Variants in ABCG1 observed in about 807,000 individuals in gnomAD.
ABCG1 encodes ATP-binding cassette sub-family G member 1.
ABCG1 carries 29 observed loss-of-function variants against 69.2 expected under a neutral mutation model. That is an observed-to-expected ratio of 0.42 (90% CI 0.31 to 0.57). The LOEUF is 0.57. ABCG1 is among the 20% of genes least tolerant of loss of function. The pLI is 0.15. For missense variants in ABCG1, 718 were observed against 898.1 expected (o/e 0.80, Z 2.56); for synonymous variants, 370 against 374.8 (o/e 0.99, Z 0.15).
At chr21:42,231,920 C>T (rs1032042101) in intron 2 of ABCG1, among the ~76,000 whole-genome samples, 1 of 152,214 alleles carries the variant, frequency 6.6e-6, no homozygotes, top group Non-Finnish European at 1.5e-5. Flanking sequence ...TGTCGTGGCC[C>T]CAGGCCACTT....
chr21:42,286,018 G>A (rs772161934), intron 8 of ABCG1, 24 bp downstream of exon 8: 12 of 1,530,684 alleles, frequency 7.8e-6, no homozygotes, highest in East Asian at 2.2e-5. Context: ...TGAGCAGCTC[G>A]GGGGACAGAA....
intron 2 of ABCG1, among the ~76,000 whole-genome samples, chr21:42,228,590 C>G (rs929285060): frequency 5.9e-5 from 9 of 152,318 alleles, no homozygotes; most frequent in African/African-American, 1.7e-4. Flanking sequence ...AGGGGCAGGG[C>G]TGGGATGAGG....
At chr21:42,212,032 T>A (rs1254434099), upstream of ABCG1, among the ~76,000 whole-genome samples, 1 of 152,232 alleles carries the variant, frequency 6.6e-6, no homozygotes, top group Non-Finnish European at 1.5e-5. Flanking sequence ...CCCTTTCCTT[T>A]CTACCACGGG....
At chr21:42,270,562 C>T (rs1257354260) in intron 2 of ABCG1, among the ~76,000 whole-genome samples, 1 of 151,886 alleles carries the variant, frequency 6.6e-6, no homozygotes, top group Non-Finnish European at 1.5e-5. Context: ...ATCATATATA[C>T]ATAATTTATA....
chr21:42,254,802 C>T (rs1002188109), intron 2 of ABCG1, among the ~76,000 whole-genome samples: 2 of 152,174 alleles, frequency 1.3e-5, no homozygotes, highest in African/African-American at 2.4e-5. Context: ...ACAGCCCGTT[C>T]TGAGCAGAAG....
chr21:42,269,278 A>C (rs934601008), intron 2 of ABCG1, among the ~76,000 whole-genome samples: 5 of 152,120 alleles, frequency 3.3e-5, no homozygotes, highest in African/African-American at 1.2e-4. Context: ...GGGTGCCCGA[A>C]GTGCCGCAGT....
At chr21:42,292,062 G>C (rs568593778) in intron 13 of ABCG1, among the ~76,000 whole-genome samples, 22 of 152,234 alleles carry the variant, frequency 1.4e-4, no homozygotes, top group Non-Finnish European at 2.6e-4. Flanking sequence ...CACTGCCTCT[G>C]TGGGGTTCCC....
At position 42,291,495 on chromosome 21, in the gene ABCG1, C is replaced by T. The variant is rs200100816; in HGVS notation, c.1495-3C>T. 9.1e-4 allele frequency: 1,465 copies of T among 1,605,164 alleles called. 3 individuals carry two copies. The highest frequency in any genetic ancestry group is 1.2e-3 in the Non-Finnish European group (1,392 of 1,173,048). ...CCCGCGGCTGACGGGTCCTTGTTTC[C>T]AGATCATGTTCCCAGTGGCCTACTG... On this transcript the variant is annotated splice_polypyrimidine_tract_variant and splice_region_variant and intron_variant, in intron 12 of 14. Transcript: ENST00000398449. The surrounding 1 kb of genome is among the most constrained non-coding windows in gnomAD (Gnocchi z 6.4).
intron 2 of ABCG1, among the ~76,000 whole-genome samples, chr21:42,269,821 G>A (rs886532839): frequency 2.6e-5 from 4 of 152,232 alleles, no homozygotes; most frequent in South Asian, 2.1e-4. Context: ...GTGCCCAGCT[G>A]GGGACCGGGA....
intron 5 of ABCG1, among the ~76,000 whole-genome samples, chr21:42,278,293 C>CA (rs1569233234): frequency 6.6e-6 from 1 of 152,098 alleles, no homozygotes; most frequent in African/African-American, 2.4e-5. Context: ...GACACCCCCC[C>CA]ACAACACACA....
chr21:42,249,590 G>A (rs1025678628), intron 2 of ABCG1, among the ~76,000 whole-genome samples: 4 of 152,278 alleles, frequency 2.6e-5, no homozygotes, highest in Non-Finnish European at 2.9e-5. Context: ...GCTTAGAATC[G>A]TGCCCTGCGG....
intron 2 of ABCG1, among the ~76,000 whole-genome samples, chr21:42,241,977 C>CGA (rs758561990): frequency 1.1e-5 from 1 of 94,256 alleles, no homozygotes; most frequent in Non-Finnish European, 2.2e-5. Flanking sequence ...GACCCTGTCT[C>CGA]AAAAAAAAAA....
chr21:42,290,451 G>T (rs1292066924), intron 11 of ABCG1, among the ~76,000 whole-genome samples: 1 of 152,222 alleles, frequency 6.6e-6, no homozygotes, highest in East Asian at 1.9e-4. Flanking sequence ...TTTTAAGCAT[G>T]ATGGAAGGCT....
intron 7 of ABCG1, 50 bp downstream of exon 7, chr21:42,284,733 A>C: frequency 6.3e-7 from 1 of 1,594,566 alleles, no homozygotes; most frequent in Non-Finnish European, 8.5e-7. Flanking sequence ...CACTCAGGTC[A>C]GCCTGAATGA....
upstream of ABCG1, among the ~76,000 whole-genome samples, chr21:42,211,773 C>A (rs985398441): frequency 6.6e-6 from 1 of 151,872 alleles, no homozygotes; most frequent in Admixed American, 6.6e-5. Flanking sequence ...CTGGTAATTC[C>A]AGCTACCTAG....
At chr21:42,244,388 G>A (rs1290179314) in intron 2 of ABCG1, among the ~76,000 whole-genome samples, 3 of 152,120 alleles carry the variant, frequency 2.0e-5, no homozygotes, top group Admixed American at 6.5e-5. Context: ...GAAGAAGGTC[G>A]GCCATTTCCA....
intron 2 of ABCG1, among the ~76,000 whole-genome samples, chr21:42,206,028 G>A (rs1379983852): frequency 1.3e-5 from 2 of 152,052 alleles, no homozygotes. Flanking sequence ...ATATCTTCCT[G>A]TTATTGATTT....
At chr21:42,212,950 C>T (rs2067604421), upstream of ABCG1, among the ~76,000 whole-genome samples, 1 of 152,160 alleles carries the variant, frequency 6.6e-6, no homozygotes, top group Non-Finnish European at 1.5e-5. Flanking sequence ...GCCTTGGCCT[C>T]CCAAAGTGCT....
At chr21:42,231,521 G>C (rs972856665) in intron 2 of ABCG1, among the ~76,000 whole-genome samples, 4 of 152,218 alleles carry the variant, frequency 2.6e-5, no homozygotes, top group African/African-American at 7.2e-5. Context: ...CAAATTCGGG[G>C]TTGCTTTCTC....
Sources: gnomAD v4.1 joint callset for allele counts (sites outside exome capture counted in the v4.1 genomes callset) on GRCh38, gnomAD v4.1.1 for gene constraint, Gnocchi (gnomAD v3.1) non-coding constraint, MANE v1.5 for transcripts, NCBI Gene and HGNC (gene_info 2026-07-23, HGNC 2026-07-21) for gene names.